The following PCDHA9 variants were observed in gnomAD, a reference collection of about 807,000 sequenced individuals.
The protein encoded by PCDHA9 is protocadherin alpha-9.
In PCDHA9, 62 loss-of-function variants were observed where a neutral mutation model predicts 62.0. The ratio of observed to expected loss-of-function variants is 1.00; its 90% CI spans 0.81 to 1.23. The LOEUF (loss-of-function observed/expected upper bound fraction) is 1.23. Among genes scored for constraint, PCDHA9 ranks in the 50% most tolerant of loss-of-function variants. The probability of loss-of-function intolerance (pLI) is 0.00; values close to 1 mark genes in which losing one functional copy is unlikely to be tolerated. For missense variants in PCDHA9, 1,205 were observed against 1,249.8 expected (o/e 0.96, Z 0.54); for synonymous variants, 557 against 567.6 (o/e 0.98, Z 0.27).
chr5:140,949,263 C>T (rs1210516513), intron 1 of PCDHA9, among the ~76,000 whole-genome samples: 3 of 151,832 alleles, frequency 2.0e-5, no homozygotes, highest in South Asian at 4.1e-4. Flanking sequence ...GAACATATCA[C>T]GTGCACTTGA....
At chr5:140,870,293 T>C in intron 1 of PCDHA9, 1 of 1,614,182 alleles carries the variant, frequency 6.2e-7, no homozygotes, top group Non-Finnish European at 8.5e-7. Context: ...TTCAAGCTGG[T>C]GTCCACCTTC....
chr5:140,981,864 T>C (rs1554243477), intron 2 of PCDHA9, among the ~76,000 whole-genome samples: 3 of 152,294 alleles, frequency 2.0e-5, no homozygotes, highest in African/African-American at 7.2e-5. Context: ...CCCAGCAATG[T>C]TTTATGCTGA....
intron 3 of PCDHA9, among the ~76,000 whole-genome samples, chr5:140,987,487 C>A (rs868928905): frequency 6.6e-6 from 1 of 152,154 alleles, no homozygotes; most frequent in Non-Finnish European, 1.5e-5. Flanking sequence ...GTCAGTGACC[C>A]TTTCTGAATT....
chr5:140,938,455 T>C (rs1317742854), intron 1 of PCDHA9, among the ~76,000 whole-genome samples: 1 of 152,196 alleles, frequency 6.6e-6, no homozygotes, highest in East Asian at 1.9e-4. Flanking sequence ...TTCCCTTTGT[T>C]TTTTAATTTA....
chr5:140,943,574 G>C (rs1424164723), intron 1 of PCDHA9, among the ~76,000 whole-genome samples: 1 of 152,154 alleles, frequency 6.6e-6, no homozygotes, highest in African/African-American at 2.4e-5. Context: ...TTAATTTGTT[G>C]ATCTGAGTGG....
chr5:140,915,744 G>A (rs2077291791), intron 1 of PCDHA9, among the ~76,000 whole-genome samples: 1 of 151,896 alleles, frequency 6.6e-6, no homozygotes, highest in South Asian at 2.1e-4. Flanking sequence ...CAGACCTATA[G>A]CCAGCACAGC....
chr5:140,950,952 A>G (rs1554219699), intron 1 of PCDHA9, among the ~76,000 whole-genome samples: 2 of 151,782 alleles, frequency 1.3e-5, no homozygotes, highest in Admixed American at 1.3e-4. Context: ...GATCATTTCT[A>G]TTGATCTATT....
At chr5:140,938,715 C>T (rs138044331) in intron 1 of PCDHA9, among the ~76,000 whole-genome samples, 10 of 152,038 alleles carry the variant, frequency 6.6e-5, no homozygotes, top group African/African-American at 2.4e-4. Flanking sequence ...ATGATAGAAA[C>T]GCGTTTCTAC....
chr5:140,857,724 A>G (rs1277501257), intron 1 of PCDHA9: 1 of 1,597,434 alleles, frequency 6.3e-7, no homozygotes, highest in Admixed American at 1.7e-5. Context: ...GACGAGAACG[A>G]CAACGCTCCC....
rs2150460065 is a variant in PCDHA9 at position 140,849,956 on chromosome 5, C to G, written c.1461C>G (p.Asn487Lys). The G allele has an allele frequency of 6.3e-7, 1 of 1,597,918 alleles. No homozygotes were observed. The highest frequency in any genetic ancestry group is 1.1e-5 in the South Asian group (1 of 90,526). ...CGCGGGACGCTGACGCGCAGGAGAA[C>G]GCCCTGGTGTCCTACTCGCTGGTGG... ...VSARDADAQE[N>K]ALVSYSLVER... The change falls in exon 1 of 4, where the codon AAC becomes AAG. Residue 487 changes from asparagine to lysine, a missense_variant. By Grantham distance (94) the Asn-to-Lys change is moderately conservative. This residue lies in a region of PCDHA9 where 887 missense variants were observed against 809.5 expected (regional missense o/e 1.10). Coordinates refer to ENST00000532602, the MANE Select transcript of PCDHA9 (RefSeq NM_031857.2).
intron 1 of PCDHA9, among the ~76,000 whole-genome samples, chr5:140,920,775 T>G (rs1007654952): frequency 5.4e-5 from 8 of 147,470 alleles, no homozygotes; most frequent in African/African-American, 1.8e-4. Context: ...ACCTGGGAGG[T>G]GGAGGTTGCA....
intron 1 of PCDHA9, chr5:140,858,351 T>G: frequency 6.3e-7 from 1 of 1,594,234 alleles, no homozygotes; most frequent in Non-Finnish European, 8.6e-7. Context: ...GCGGACCTCA[T>G]GGCCTTCAGC....
chr5:140,887,236 A>G (rs575217506), intron 1 of PCDHA9, among the ~76,000 whole-genome samples: 53 of 151,920 alleles, frequency 3.5e-4, no homozygotes, highest in South Asian at 2.1e-3. Flanking sequence ...AGCTGAGACT[A>G]CCGGCGCCCG....
intron 1 of PCDHA9, chr5:140,860,142 T>C (rs1288609086): frequency 1.3e-5 from 2 of 149,904 alleles, no homozygotes; most frequent in Admixed American, 6.7e-5. Flanking sequence ...TGTATATATA[T>C]GTATATATGT....
chr5:140,877,015 G>A, intron 1 of PCDHA9: 1 of 1,612,474 alleles, frequency 6.2e-7, no homozygotes, highest in Non-Finnish European at 8.5e-7. Context: ...CGCGGAGAGC[G>A]GCAAGGTGTA....
At chr5:140,993,958 G>A (rs782075870) in intron 3 of PCDHA9, among the ~76,000 whole-genome samples, 1 of 152,162 alleles carries the variant, frequency 6.6e-6, no homozygotes, top group Non-Finnish European at 1.5e-5. Context: ...ATACATGACT[G>A]TAGTCATCAT....
At chr5:140,857,723 G>C (rs782731784) in intron 1 of PCDHA9, 1 of 1,597,514 alleles carries the variant, frequency 6.3e-7, no homozygotes, top group Non-Finnish European at 8.6e-7. Flanking sequence ...GGACGAGAAC[G>C]ACAACGCTCC....
At chr5:140,856,280 C>T in intron 1 of PCDHA9, 1 of 1,598,442 alleles carries the variant, frequency 6.3e-7, no homozygotes, top group Non-Finnish European at 8.6e-7. Context: ...GGAGGTAAAT[C>T]TGCAGAATGG....
intron 1 of PCDHA9, chr5:140,868,931 G>C: frequency 9.2e-7 from 1 of 1,092,440 alleles, no homozygotes; most frequent in Non-Finnish European, 1.3e-6. Context: ...TCATTTAAAG[G>C]TTGGTCTGAA....
Sources: allele counts gnomAD v4.1 joint callset (sites outside exome capture counted in the v4.1 genomes callset), GRCh38; gene constraint gnomAD v4.1.1; regional missense constraint gnomAD v4.1.1; transcripts MANE v1.5; gene names NCBI Gene and HGNC (gene_info 2026-07-23, HGNC 2026-07-21).